Variants in AFG1L observed in about 807,000 individuals in gnomAD.
AFG1L encodes AFG1-like ATPase.
AFG1L carries 53 observed loss-of-function variants against 62.2 expected under a neutral mutation model. That is an observed-to-expected ratio of 0.85 (90% CI 0.68 to 1.07). The LOEUF (loss-of-function observed/expected upper bound fraction) is 1.07. AFG1L is among the 50% of genes least tolerant of loss of function. The pLI, the probability that AFG1L is intolerant of heterozygous loss-of-function variation, is 0.00. For missense variants in AFG1L, 555 were observed against 590.5 expected (o/e 0.94, Z 0.62); for synonymous variants, 228 against 210.3 (o/e 1.08, Z -0.73).
At chr6:108,481,321 G>A (rs1320062372) in intron 10 of AFG1L, among the ~76,000 whole-genome samples, 1 of 152,132 alleles carries the variant, frequency 6.6e-6, no homozygotes, top group Non-Finnish European at 1.5e-5. Context: ...ACAGCTACTT[G>A]GTTTAATCCA....
rs1773629779 is a variant in AFG1L, at chr6:108,487,846, A to C, written c.1062+10554A>C. 2.0e-5 allele frequency among the ~76,000 whole-genome samples: 3 copies of C among 152,218 alleles called. No homozygotes were observed. In the South Asian group the frequency reaches 6.2e-4, roughly 32 times the overall value. On this transcript the variant is annotated intron_variant, in intron 10 of 12. Coordinates refer to ENST00000368977, the MANE Select transcript of AFG1L (RefSeq NM_145315.5). ...GCATGTTGGGGAGGAAAAGGAAATA[A>C]AGATGAAACAGATCTCGGACAGATT...
At chr6:108,434,614 C>T (rs1432131399) in intron 7 of AFG1L, among the ~76,000 whole-genome samples, 2 of 152,194 alleles carry the variant, frequency 1.3e-5, no homozygotes, top group Non-Finnish European at 2.9e-5. Context: ...TTCCCCCCTC[C>T]ATTGTTTTCC....
chr6:108,391,872 G>A (rs555266570), intron 6 of AFG1L, among the ~76,000 whole-genome samples: 22 of 152,168 alleles, frequency 1.4e-4, no homozygotes, highest in Middle Eastern at 3.4e-3. Flanking sequence ...AAAATACAGC[G>A]TACAGTACAA....
intron 6 of AFG1L, among the ~76,000 whole-genome samples, chr6:108,378,764 G>A (rs1780360487): frequency 6.6e-6 from 1 of 152,020 alleles, no homozygotes; most frequent in Non-Finnish European, 1.5e-5. Flanking sequence ...CTTCTCATCT[G>A]GAGACCCTGG....
At chr6:108,441,712 A>AAAAATATATATATAT (rs1401294615) in intron 7 of AFG1L, among the ~76,000 whole-genome samples, 48 of 139,494 alleles carry the variant, frequency 3.4e-4, no homozygotes, top group Admixed American at 6.4e-4. Flanking sequence ...AAAAAAAAAA[A>AAAAATATATATATAT]ATATATATAT....
chr6:108,295,130 C>G lies in AFG1L; in HGVS notation c.51C>G (p.Ser17Arg), dbSNP rs767948023. ...LLVTLRPLAQ[S>R]PLRGRCVGCG... is the part of the protein sequence containing the mutation. ...TTACCCTGCGCCCCTTAGCACAGAG[C>G]CCGCTGAGAGGGAGATGTGTTGGGT... The change falls in exon 1 of 13, where the codon AGC becomes AGG. Residue 17 changes from serine to arginine, a missense_variant. By Grantham distance (110) the Ser-to-Arg change is moderately radical. Coordinates refer to ENST00000368977, the MANE Select transcript of AFG1L (RefSeq NM_145315.5). 6.2e-7 allele frequency: 1 copy of G among 1,611,238 alleles called. No homozygotes were observed. Among genetic ancestry groups the G allele is most frequent in the Non-Finnish European group, 8.5e-7 (1 of 1,179,966 alleles).
intron 8 of AFG1L, among the ~76,000 whole-genome samples, chr6:108,453,634 C>T (rs1273214956): frequency 6.6e-6 from 1 of 152,232 alleles, no homozygotes; most frequent in Non-Finnish European, 1.5e-5. Flanking sequence ...CTTACAAACA[C>T]TCCTCTGCTC....
Position 108,523,943 on chromosome 6 carries a change from T to C in AFG1L, c.*1518T>C, listed in dbSNP as rs1311044147. 2.6e-5 allele frequency: 4 copies of C among 151,412 alleles called. No homozygotes were observed. Among genetic ancestry groups the C allele is most frequent in the Admixed American group, 6.6e-5 (1 of 15,144 alleles). The allele number at this position is 151,412 out of a possible 1,614,324, so 9.4% of individuals were successfully genotyped here. ...CCACTTTGTGCTGGATTGAATGCTA[T>C]ATATTTACATTAGCTCAGTTAAAAA... On this transcript the variant is annotated 3_prime_UTR_variant, in exon 13 of 13. Transcript: ENST00000368977.
intron 7 of AFG1L, among the ~76,000 whole-genome samples, chr6:108,424,748 G>A (rs1037601505): frequency 2.0e-5 from 3 of 152,022 alleles, no homozygotes; most frequent in South Asian, 2.1e-4. Context: ...TTTTAAATAC[G>A]TTTTCTCCCT....
At chr6:108,415,083 C>G (rs966801370) in intron 7 of AFG1L, among the ~76,000 whole-genome samples, 1 of 152,170 alleles carries the variant, frequency 6.6e-6, no homozygotes, top group Non-Finnish European at 1.5e-5. Flanking sequence ...TCTCAGGATA[C>G]AAAATCAATG....
chr6:108,368,293 A>G (rs1779845971), intron 6 of AFG1L, among the ~76,000 whole-genome samples: 1 of 152,036 alleles, frequency 6.6e-6, no homozygotes, highest in African/African-American at 2.4e-5. Context: ...TTTGATAATC[A>G]TATTTCTATG....
intron 8 of AFG1L, among the ~76,000 whole-genome samples, chr6:108,474,723 G>A (rs1180487323): frequency 1.3e-5 from 2 of 152,116 alleles, no homozygotes; most frequent in African/African-American, 4.8e-5. Flanking sequence ...CTCACTTTTT[G>A]ATGGGGTTGT....
intron 10 of AFG1L, 106 bp downstream of exon 10, chr6:108,477,398 A>G (rs76110386): frequency 0.016 from 9,424 of 591,908 alleles, 109 homozygotes; most frequent in Non-Finnish European, 0.02. Context: ...TCACAGAGTC[A>G]GAATCGATTT....
intron 10 of AFG1L, among the ~76,000 whole-genome samples, chr6:108,494,668 C>T (rs1256448920): frequency 6.6e-6 from 1 of 152,028 alleles, no homozygotes; most frequent in Non-Finnish European, 1.5e-5. Flanking sequence ...ACTTCATATT[C>T]GTGAGATTTC....
At position 108,323,828 on chromosome 6, in the gene AFG1L, A is replaced by G. The variant is rs1204090191; in HGVS notation, c.143A>G (p.Tyr48Cys). Residue 48 changes from tyrosine to cysteine, a missense_variant, in exon 2 of 13, where the codon TAT becomes TGT. Transcript: ENST00000368977. ...AATTTTATGTTTTTGTTTATAGCCT[A>G]TACGGTTCAGACATCCGAGAGCATG... ...TAPGKPFWKA[Y>C]TVQTSESMTP... 3.1e-6 allele frequency: 5 copies of G among 1,612,406 alleles called. No homozygotes were observed. The highest frequency in any genetic ancestry group is 1.6e-4 in the Middle Eastern group (1 of 6,080).
chr6:108,348,611 A>G (rs1778959001), intron 3 of AFG1L, among the ~76,000 whole-genome samples: 1 of 152,202 alleles, frequency 6.6e-6, no homozygotes, highest in African/African-American at 2.4e-5. Context: ...TCTTTTTCTT[A>G]GTTCATTGGC....
intron 6 of AFG1L, among the ~76,000 whole-genome samples, chr6:108,389,760 T>G (rs1390964466): frequency 6.6e-6 from 1 of 152,238 alleles, no homozygotes; most frequent in Non-Finnish European, 1.5e-5. Context: ...GTTAGTGTGA[T>G]GGGCTTCCCT....
chr6:108,486,898 T>A (rs894975736), intron 10 of AFG1L, among the ~76,000 whole-genome samples: 1 of 151,834 alleles, frequency 6.6e-6, no homozygotes, highest in Non-Finnish European at 1.5e-5. Flanking sequence ...AGAGATGGGG[T>A]TTCACCATGT....
At position 108,301,591 on chromosome 6, in the gene AFG1L, G is replaced by T. The variant is rs774841887; in HGVS notation, c.139+6373G>T. 6.6e-4 allele frequency among the ~76,000 whole-genome samples: 101 copies of T among 152,226 alleles called. 1 individual carries two copies. The highest frequency in any genetic ancestry group is 1.2e-4 in the Non-Finnish European group (8 of 68,040). ...GAGTTCTGACAAAAGGTGATATCTA[G>T]AAGATTAATAACTGTTCAGTTTAAA... On this transcript the variant is annotated intron_variant, in intron 1 of 12. Coordinates refer to ENST00000368977, the MANE Select transcript of AFG1L (RefSeq NM_145315.5).
Sources: allele counts gnomAD v4.1 joint callset (sites outside exome capture counted in the v4.1 genomes callset), GRCh38; gene constraint gnomAD v4.1.1; transcripts MANE v1.5; gene names NCBI Gene and HGNC (gene_info 2026-07-23, HGNC 2026-07-21).